The following EDA variants were observed in gnomAD, a reference collection of about 807,000 sequenced individuals.
EDA encodes ectodysplasin-A.
A neutral mutation model predicts 23.6 loss-of-function variants in EDA; 2 were observed. The observed-to-expected ratio is 0.08, with a 90% confidence interval of 0.03 to 0.27. The LOEUF (loss-of-function observed/expected upper bound fraction) is 0.27, where lower values mean the gene tolerates loss of function less well. Ranked by LOEUF, EDA falls within the 10% of genes least tolerant of loss-of-function variation. EDA has a pLI of 1.00. For synonymous variants in EDA, 131 were observed against 132.0 expected (o/e 0.99, Z 0.05); for missense variants, 229 against 324.2 (o/e 0.71, Z 2.26).
intron 1 of EDA, among the ~76,000 whole-genome samples, chrX:69,734,997 A>G (rs1011366706): frequency 4.5e-5 from 5 of 111,417 alleles, no homozygotes; most frequent in African/African-American, 1.3e-4. Context: ...GAGCTACCCT[A>G]TGATCCAGCA....
At chrX:69,864,052 GCT>G (rs939902873) in intron 1 of EDA, among the ~76,000 whole-genome samples, 12 of 108,443 alleles carry the variant, frequency 1.1e-4, no homozygotes, top group Admixed American at 3.0e-4. Context: ...TAACTTAATT[GCT>G]CTCTCTCTCT....
chrX:69,679,996 G>A (rs1194752139), intron 1 of EDA, among the ~76,000 whole-genome samples: 9 of 108,066 alleles, frequency 8.3e-5, no homozygotes, highest in South Asian at 4.2e-4. Context: ...CTTTGAATGC[G>A]TCCCAGAGAT....
intron 1 of EDA, among the ~76,000 whole-genome samples, chrX:69,791,833 G>T (rs1015622631): frequency 9.0e-6 from 1 of 111,244 alleles, no homozygotes; most frequent in Non-Finnish European, 1.9e-5. Context: ...TAGTAGAGAC[G>T]GGGTTTCTCC....
chrX:69,894,655 CT>C (rs878982118), intron 1 of EDA, among the ~76,000 whole-genome samples: 1 of 110,990 alleles, frequency 9.0e-6, no homozygotes, highest in African/African-American at 3.3e-5. Flanking sequence ...GGTAATTTAT[CT>C]TTTTTGTGGC....
At chrX:69,910,374 AGTGTGTGTGTGTGT>A (rs4007733) in intron 1 of EDA, among the ~76,000 whole-genome samples, 6,507 of 41,574 alleles carry the variant, frequency 0.16, 348 homozygotes, top group East Asian at 0.24. Context: ...AGAGAGAGAG[AGTGTGTGTGTGTGT>A]GTGTGTGTGT....
At chrX:69,952,171 T>C (rs1419537151) in intron 1 of EDA, among the ~76,000 whole-genome samples, 2 of 112,339 alleles carry the variant, frequency 1.8e-5, no homozygotes, top group Non-Finnish European at 3.8e-5. Flanking sequence ...AGCAGTGTTT[T>C]TGTGTTGTTT....
chrX:69,884,209 C>T (rs1352988601), intron 1 of EDA, among the ~76,000 whole-genome samples: 1 of 112,158 alleles, frequency 8.9e-6, no homozygotes, highest in East Asian at 2.8e-4. Flanking sequence ...AGCCAGGAAA[C>T]TCACTTCAGT....
intron 1 of EDA, among the ~76,000 whole-genome samples, chrX:69,849,579 C>A (rs1482351148): frequency 8.9e-6 from 1 of 111,792 alleles, no homozygotes; most frequent in Non-Finnish European, 1.9e-5. Context: ...CTTGAGCCTA[C>A]AAGGATTTCT....
intron 1 of EDA, among the ~76,000 whole-genome samples, chrX:69,812,313 A>G (rs775824761): frequency 7.1e-5 from 8 of 112,178 alleles, no homozygotes; most frequent in Non-Finnish European, 1.5e-4. Context: ...GCTATGCTTT[A>G]TTTTGAAAAT....
chrX:69,912,664 A>C (rs2018282447), intron 1 of EDA, among the ~76,000 whole-genome samples: 1 of 111,217 alleles, frequency 9.0e-6, no homozygotes, highest in South Asian at 3.8e-4. Flanking sequence ...ACTGGACTTA[A>C]AATTTCAATA....
At chrX:69,852,823 G>T (rs2017164661) in intron 1 of EDA, among the ~76,000 whole-genome samples, 1 of 111,652 alleles carries the variant, frequency 9.0e-6, no homozygotes, top group African/African-American at 3.3e-5. Context: ...CTCAAAAAAA[G>T]GTTGAGACTA....
chrX:69,848,049 T>A, intron 1 of EDA, among the ~76,000 whole-genome samples: 1 of 112,024 alleles, frequency 8.9e-6, no homozygotes, highest in African/African-American at 3.2e-5. Context: ...CTAATAGGTG[T>A]GTAGTGTTAT....
intron 1 of EDA, among the ~76,000 whole-genome samples, chrX:69,719,172 C>T (rs2012469491): frequency 9.1e-6 from 1 of 109,445 alleles, no homozygotes; most frequent in Non-Finnish European, 1.9e-5. Flanking sequence ...TGATAATTTG[C>T]ATCTTTTTTC....
chrX:69,840,663 G>T (rs1372866493), intron 1 of EDA, among the ~76,000 whole-genome samples: 1 of 111,995 alleles, frequency 8.9e-6, no homozygotes, highest in Non-Finnish European at 1.9e-5. Context: ...CATTCAACCT[G>T]CTATAACAAA....
chrX:69,696,663 C>A (rs1411522894), intron 1 of EDA, among the ~76,000 whole-genome samples: 1 of 111,639 alleles, frequency 9.0e-6, no homozygotes, highest in Non-Finnish European at 1.9e-5. Context: ...CTCTTAGTAA[C>A]CTTAATTTCT....
At chrX:69,721,936 G>C (rs183517616) in intron 1 of EDA, among the ~76,000 whole-genome samples, 45 of 110,925 alleles carry the variant, frequency 4.1e-4, no homozygotes, top group African/African-American at 1.4e-3. Context: ...CTAGAATTGA[G>C]GTTACATTCA....
chrX:69,936,263 T>C (rs1313594600), intron 1 of EDA, among the ~76,000 whole-genome samples: 2 of 110,921 alleles, frequency 1.8e-5, no homozygotes, highest in Admixed American at 1.9e-4. Context: ...GGAATAAAAA[T>C]AAGCAGATCA....
chrX:69,681,894 C>T (rs991865126), intron 1 of EDA, among the ~76,000 whole-genome samples: 2 of 111,039 alleles, frequency 1.8e-5, no homozygotes, highest in South Asian at 3.9e-4. Flanking sequence ...GGAGGAGAGG[C>T]GCTGTGCTTT....
intron 1 of EDA, among the ~76,000 whole-genome samples, chrX:69,693,389 A>G (rs1343278445): frequency 9.0e-6 from 1 of 111,591 alleles, no homozygotes; most frequent in Non-Finnish European, 1.9e-5. Context: ...GGACCTAATT[A>G]CATACTATAC....
Sources: gnomAD v4.1 joint callset for allele counts (sites outside exome capture counted in the v4.1 genomes callset) on GRCh38, gnomAD v4.1.1 for gene constraint, MANE v1.5 for transcripts, NCBI Gene and HGNC (gene_info 2026-07-23, HGNC 2026-07-21) for gene names.